MAP3K5: variants seen among roughly 807,000 people sequenced by gnomAD.
The protein encoded by MAP3K5 is ASK-1.
Under a neutral mutation model 158.7 loss-of-function variants are expected in MAP3K5, and 56 were observed. The observed-to-expected ratio is 0.35, with a 90% CI of 0.28 to 0.44. The LOEUF is 0.44. MAP3K5 is among the 20% of genes least tolerant of loss of function. The pLI, the probability that MAP3K5 is intolerant of heterozygous loss-of-function variation, is 1.00. For missense variants in MAP3K5, 1,294 were observed against 1,674.8 expected (o/e 0.77, Z 3.97); for synonymous variants, 579 against 601.7 (o/e 0.96, Z 0.55).
chr6:136,600,021 C>A (rs1016150894), intron 21 of MAP3K5, among the ~76,000 whole-genome samples: 3 of 151,996 alleles, frequency 2.0e-5, no homozygotes, highest in Non-Finnish European at 4.4e-5. Context: ...CCCAGGAAAC[C>A]CCAATTAACA....
At chr6:136,584,750 C>G (rs1775040393) in intron 23 of MAP3K5, among the ~76,000 whole-genome samples, 1 of 152,100 alleles carries the variant, frequency 6.6e-6, no homozygotes, top group Non-Finnish European at 1.5e-5. Context: ...CAACAGCAAC[C>G]AAGCCAGAGA....
At chr6:136,765,882 C>T (rs1228822621) in intron 1 of MAP3K5, among the ~76,000 whole-genome samples, 1 of 151,988 alleles carries the variant, frequency 6.6e-6, no homozygotes, top group Non-Finnish European at 1.5e-5. Context: ...CTTAGAGAAG[C>T]AAGAACACAG....
chr6:136,709,941 A>C (rs1310389766), intron 2 of MAP3K5, among the ~76,000 whole-genome samples: 1 of 152,196 alleles, frequency 6.6e-6, no homozygotes, highest in East Asian at 1.9e-4. Flanking sequence ...TAAAAAGAGA[A>C]AGAAAAATCA....
intron 25 of MAP3K5, among the ~76,000 whole-genome samples, chr6:136,572,168 A>C (rs1326344122): frequency 6.6e-6 from 1 of 152,242 alleles, no homozygotes; most frequent in Admixed American, 6.5e-5. Context: ...AAAATAATTT[A>C]AGAAAGTGTG....
chr6:136,677,849 T>G (rs563382280), intron 7 of MAP3K5, among the ~76,000 whole-genome samples: 1 of 152,172 alleles, frequency 6.6e-6, no homozygotes, highest in Admixed American at 6.5e-5. Flanking sequence ...CATCAAATGG[T>G]AAAAGAATCT....
chr6:136,769,789 A>G (rs867163358), intron 1 of MAP3K5, among the ~76,000 whole-genome samples: 2,565 of 21,162 alleles, frequency 0.12, 302 homozygotes, highest in African/African-American at 0.35. Flanking sequence ...GGAAGGAAGG[A>G]AGGAAGGGAG....
intron 1 of MAP3K5, among the ~76,000 whole-genome samples, chr6:136,741,338 T>G (rs1179157348): frequency 1.3e-5 from 2 of 152,160 alleles, no homozygotes; most frequent in Non-Finnish European, 2.9e-5. Context: ...CCATTTGGTA[T>G]GGGAGCAAAA....
intron 19 of MAP3K5, among the ~76,000 whole-genome samples, chr6:136,603,460 G>A (rs1261940742): frequency 1.3e-5 from 2 of 151,822 alleles, no homozygotes; most frequent in Non-Finnish European, 2.9e-5. Context: ...TTATAGGTGT[G>A]AGCCACCACG....
At chr6:136,702,588 A>T (rs1438963406) in intron 3 of MAP3K5, among the ~76,000 whole-genome samples, 1 of 152,242 alleles carries the variant, frequency 6.6e-6, no homozygotes, top group Non-Finnish European at 1.5e-5. Context: ...AACTTGCTTC[A>T]AAGACCTTGT....
intron 7 of MAP3K5, among the ~76,000 whole-genome samples, chr6:136,674,126 G>GA (rs957135835): frequency 5.6e-5 from 8 of 143,500 alleles, no homozygotes; most frequent in East Asian, 2.0e-4. Flanking sequence ...AGTAATAAAA[G>GA]AAAAAAAAAA....
rs565440597 is a variant in MAP3K5, at chr6:136,669,776, T to C, written c.1254-381A>G. 2.0e-5 allele frequency among the ~76,000 whole-genome samples: 3 copies of C among 152,266 alleles called. No individual in the cohort carries two copies. The East Asian group carries it at 5.8e-4, about 29-fold the overall frequency. ...GATATGGAATAACATATATTCCAAATGTTAGAAAGCTATGTAGTCATTTAT... is the reference window on the plus strand; with the variant it reads ...GATATGGAATAACATATATTCCAAACGTTAGAAAGCTATGTAGTCATTTAT... On this transcript the variant is annotated intron_variant, in intron 7 of 29. Coordinates refer to ENST00000359015, the MANE Select transcript of MAP3K5 (RefSeq NM_005923.4).
chr6:136,586,746 G>T (rs1452828636), intron 23 of MAP3K5, among the ~76,000 whole-genome samples: 1 of 152,214 alleles, frequency 6.6e-6, no homozygotes, highest in African/African-American at 2.4e-5. Flanking sequence ...TGTGGGCTGG[G>T]AAAGGCAGAC....
chr6:136,660,385 C>G (rs1778953288), intron 8 of MAP3K5, among the ~76,000 whole-genome samples: 1 of 150,398 alleles, frequency 6.6e-6, no homozygotes, highest in African/African-American at 2.5e-5. Flanking sequence ...GATTCTGTCT[C>G]ATGAAAAAAA....
At chr6:136,677,127 T>C (rs771539037) in intron 7 of MAP3K5, among the ~76,000 whole-genome samples, 1 of 146,648 alleles carries the variant, frequency 6.8e-6, no homozygotes, top group Non-Finnish European at 1.5e-5. Flanking sequence ...ATAATGATGA[T>C]ATCCATTTTT....
Position 136,557,548 on chromosome 6 carries a change from C to A in MAP3K5, c.*210G>T. On this transcript the variant is annotated 3_prime_UTR_variant, in exon 30 of 30. Coordinates refer to ENST00000359015, the MANE Select transcript of MAP3K5 (RefSeq NM_005923.4). ...AATGTTCAGGATTATTTTAAGAGTC[C>A]TTATGAAGAGTCCTTAAAAATTATA... The A allele has an allele frequency of 2.0e-6, 1 of 501,880 alleles. No homozygotes were observed. The allele number at this position is 501,880 out of a possible 1,614,324, so 31.1% of individuals were successfully genotyped here. A position where few individuals can be genotyped will look rare whatever the true frequency, so the allele number is the denominator to read the frequency against.
intron 3 of MAP3K5, among the ~76,000 whole-genome samples, chr6:136,704,800 C>A (rs1781001843): frequency 6.6e-6 from 1 of 152,144 alleles, no homozygotes; most frequent in Non-Finnish European, 1.5e-5. Flanking sequence ...CCTGCCTCTG[C>A]CTCCCAAAAT....
intron 19 of MAP3K5, among the ~76,000 whole-genome samples, chr6:136,603,469 C>T (rs936374109): frequency 2.0e-5 from 3 of 152,008 alleles, no homozygotes; most frequent in East Asian, 1.9e-4. Context: ...TGAGCCACCA[C>T]GCTTGGCTGA....
In MAP3K5 at chr6:136,562,837, A is replaced by ATTTTTTTTT. The variant is rs3040779; in HGVS notation, c.3762-231_3762-223dup. The stretch of plus-strand genomic sequence containing the variant: ...AGACATGCACCACCATGCCTGGCTA[A>ATTTTTTTTT]TTTTTTTTTTTTTTTTTTTTGTAGA... On this transcript the variant is annotated intron_variant, in intron 26 of 29. Coordinates refer to ENST00000359015, the MANE Select transcript of MAP3K5 (RefSeq NM_005923.4). 8.6e-3 allele frequency among the ~76,000 whole-genome samples: 1,074 copies of ATTTTTTTTT among 124,770 alleles called. 42 individuals carry two copies. In the East Asian group the frequency reaches 0.09, roughly 10 times the overall value. The allele number at this position is 124,770 out of a possible 152,430, so 81.9% of individuals were successfully genotyped here.
chr6:136,755,263 C>T lies in MAP3K5; in HGVS notation c.449-34674G>A, dbSNP rs138457603. Among the ~76,000 whole-genome samples, 147 of 152,252 alleles carry T rather than the reference C, an allele frequency of 9.7e-4. No homozygotes were observed. The East Asian group carries it at 0.026, about 27-fold the overall frequency. On this transcript the variant is annotated intron_variant, in intron 1 of 29. Coordinates refer to ENST00000359015, the MANE Select transcript of MAP3K5 (RefSeq NM_005923.4). ...CATCCAGCTCCTCTCTGCTCCCTGG[C>T]TTCCTCCTAGATCCTCATGCACAAC...
Sources: gnomAD v4.1 joint callset for allele counts (sites outside exome capture counted in the v4.1 genomes callset) on GRCh38, gnomAD v4.1.1 for gene constraint, MANE v1.5 for transcripts, NCBI Gene and HGNC (gene_info 2026-07-23, HGNC 2026-07-21) for gene names.